The following ELAVL1 variants were observed in gnomAD, a reference collection of about 807,000 sequenced individuals.
ELAVL1 encodes ELAV like RNA binding protein 1.
A neutral mutation model predicts 28.4 loss-of-function variants in ELAVL1; 1 was observed. The ratio of observed to expected loss-of-function variants is 0.04; its 90% CI spans 0.01 to 0.17. The LOEUF is 0.17. Ranked by LOEUF, ELAVL1 falls within the 10% of genes least tolerant of loss-of-function variation. ELAVL1 has a pLI of 1.00. For missense variants in ELAVL1, 157 were observed against 447.2 expected (o/e 0.35, Z 5.85); for synonymous variants, 174 against 183.5 (o/e 0.95, Z 0.42).
chr19:7,977,564 G>C (rs1985335595), intron 3 of ELAVL1, among the ~76,000 whole-genome samples: 1 of 152,218 alleles, frequency 6.6e-6, no homozygotes, highest in South Asian at 2.1e-4. Context: ...ACACTGAGCT[G>C]CATCTGGGAC....
rs115812647 is a variant in ELAVL1 at position 7,972,046 on chromosome 19, C to T, written c.430+1679G>A. On this transcript the variant is annotated intron_variant, in intron 4 of 5. Coordinates refer to ENST00000407627, the MANE Select transcript of ELAVL1 (RefSeq NM_001419.3). ...AGCATGACTTTCTGTGGCCCAACTA[C>T]TCGGTGTTATTTCAACATCACAGCC... Among the ~76,000 whole-genome samples the T allele has an allele frequency of 2.4e-3, 367 of 152,348 alleles. 1 individual carries two copies. Among genetic ancestry groups the T allele is most frequent in the African/African-American group, 8.0e-3 (331 of 41,576 alleles).
intron 4 of ELAVL1, among the ~76,000 whole-genome samples, chr19:7,968,441 C>A (rs1176619208): frequency 6.6e-6 from 1 of 152,252 alleles, no homozygotes; most frequent in Non-Finnish European, 1.5e-5. Flanking sequence ...GTCCTACACC[C>A]CTCCCGTGGG....
rs184350725 is a variant in ELAVL1, at chr19:7,997,672, G to A, written c.-16-5841C>T. Among the ~76,000 whole-genome samples the A allele has an allele frequency of 3.3e-5, 5 of 152,030 alleles. No individual in the cohort carries two copies. The East Asian group carries it at 7.7e-4, about 23-fold the overall frequency. ...TAAAAATAAATTGTCTGAGTGTGGC[G>A]ACTCATGCCTTTAATCCCAGCGCTT... On this transcript the variant is annotated intron_variant, in intron 1 of 5. Transcript: ENST00000407627.
At chr19:7,995,916 C>CTT (rs577024547) in intron 1 of ELAVL1, among the ~76,000 whole-genome samples, 43 of 146,126 alleles carry the variant, frequency 2.9e-4, no homozygotes, top group Non-Finnish European at 4.4e-4. Context: ...AGTCAGAACA[C>CTT]TTTTTTTTTT....
At chr19:7,991,116 G>A (rs1985740231) in intron 2 of ELAVL1, among the ~76,000 whole-genome samples, 1 of 152,216 alleles carries the variant, frequency 6.6e-6, no homozygotes. Context: ...TCAGCATGGT[G>A]CAGAAGTTCA....
rs1352611625 is a variant in ELAVL1 at position 7,963,322 on chromosome 19, A to G, written c.*161T>C. On this transcript the variant is annotated 3_prime_UTR_variant, in exon 6 of 6. Transcript: ENST00000407627. The surrounding 1 kb of genome is among the most constrained non-coding windows in gnomAD (Gnocchi z 4.5). ...ATTGTGGGATTTCAAACATTTGAAC[A>G]TGTCGGTTGCATCCCAGAGTATAAA... is the stretch of plus-strand genomic sequence containing the variant. 1.3e-6 allele frequency: 1 copy of G among 760,710 alleles called. No homozygotes were observed. The highest frequency in any genetic ancestry group is 1.8e-5 in the African/African-American group (1 of 56,734). The allele number at this position is 760,710 out of a possible 1,614,324, so 47.1% of individuals were successfully genotyped here. A position where few individuals can be genotyped will look rare whatever the true frequency, so the allele number is the denominator to read the frequency against.
intron 3 of ELAVL1, among the ~76,000 whole-genome samples, chr19:7,974,683 A>C (rs940331096): frequency 1.3e-5 from 2 of 152,106 alleles, no homozygotes; most frequent in Admixed American, 6.6e-5. Context: ...GATATGGAGG[A>C]GGGAGCAGGA....
Position 7,981,260 on chromosome 19 carries a change from A to G in ELAVL1, c.173-74T>C, listed in dbSNP as rs528117713. On this transcript the variant is annotated intron_variant, in intron 2 of 5. Transcript: ENST00000407627. The surrounding 1 kb of genome is among the most constrained non-coding windows in gnomAD (Gnocchi z 4.2). ...AGGGACAGGGAGGTCGGGAAGCACT[A>G]TATCTGCCTGGCCTTTGGGAAATGG... 42 of 1,433,908 alleles carry G rather than the reference A, an allele frequency of 2.9e-5. No individual in the cohort carries two copies. Among genetic ancestry groups the G allele is most frequent in the Admixed American group, 2.9e-4 (17 of 59,362 alleles). The allele number at this position is 1,433,908 out of a possible 1,614,324, so 88.8% of individuals were successfully genotyped here.
At chr19:7,965,575 G>A (rs1009747167) in intron 5 of ELAVL1, among the ~76,000 whole-genome samples, 1 of 151,956 alleles carries the variant, frequency 6.6e-6, no homozygotes, top group African/African-American at 2.4e-5. Flanking sequence ...CCTCCTGAGC[G>A]AATCTTTCCC....
intron 1 of ELAVL1, among the ~76,000 whole-genome samples, chr19:7,992,904 T>C (rs1985788894): frequency 6.6e-6 from 1 of 152,168 alleles, no homozygotes; most frequent in African/African-American, 2.4e-5. Context: ...GCCTCCTGAG[T>C]AGCTGGGAAC....
intron 5 of ELAVL1, among the ~76,000 whole-genome samples, chr19:7,964,377 G>A (rs1984895892): frequency 6.6e-6 from 1 of 152,120 alleles, no homozygotes; most frequent in Admixed American, 6.6e-5. Context: ...CCAACCCTCT[G>A]TGGCTAGAGC....
In ELAVL1 at chr19:7,981,316, T is replaced by C; in HGVS notation, c.173-130A>G. ...CAGGTGCTAGCAAACTTTATTTTCT[T>C]TGGCAAACACGTACATTTTCTGCAA... is the stretch of plus-strand genomic sequence containing the variant. On this transcript the variant is annotated intron_variant, in intron 2 of 5. Coordinates refer to ENST00000407627, the MANE Select transcript of ELAVL1 (RefSeq NM_001419.3). The surrounding 1 kb of genome is among the most constrained non-coding windows in gnomAD (Gnocchi z 4.2). 4 of 773,458 alleles carry C rather than the reference T, an allele frequency of 5.2e-6. No homozygotes were observed. Among genetic ancestry groups the C allele is most frequent in the Non-Finnish European group, 8.7e-6 (4 of 459,866 alleles). The allele number at this position is 773,458 out of a possible 1,614,324, so 47.9% of individuals were successfully genotyped here. A position where few individuals can be genotyped will look rare whatever the true frequency, so the allele number is the denominator to read the frequency against.
At chr19:7,985,019 A>G (rs1985563079) in intron 2 of ELAVL1, among the ~76,000 whole-genome samples, 1 of 152,184 alleles carries the variant, frequency 6.6e-6, no homozygotes, top group Admixed American at 6.5e-5. Context: ...TCCTAGGCTC[A>G]GGCGATGCTC....
rs1381814595 is a variant in ELAVL1 at position 7,962,430 on chromosome 19, T to C, written c.*1053A>G. ...GAGGGTTAATCTTTAAAACTACAAATCAAAGGTTTTGGTTAATAGATAACT... is the reference window on the plus strand; with the variant it reads ...GAGGGTTAATCTTTAAAACTACAAACCAAAGGTTTTGGTTAATAGATAACT... On this transcript the variant is annotated 3_prime_UTR_variant, in exon 6 of 6. Transcript: ENST00000407627. 1.3e-5 allele frequency: 2 copies of C among 152,580 alleles called. No individual in the cohort carries two copies. The highest frequency in any genetic ancestry group is 2.9e-5 in the Non-Finnish European group (2 of 68,026). The allele number at this position is 152,580 out of a possible 1,614,324, so 9.5% of individuals were successfully genotyped here. A position where few individuals can be genotyped will look rare whatever the true frequency, so the allele number is the denominator to read the frequency against.
chr19:8,001,153 C>T (rs1347292307), intron 1 of ELAVL1, among the ~76,000 whole-genome samples: 1 of 152,158 alleles, frequency 6.6e-6, no homozygotes, highest in Non-Finnish European at 1.5e-5. Context: ...GTCTCTAGTC[C>T]CACTTCATGA....
intron 2 of ELAVL1, among the ~76,000 whole-genome samples, chr19:7,985,814 CG>C (rs1985586920): frequency 1.3e-5 from 2 of 152,194 alleles, no homozygotes; most frequent in South Asian, 4.1e-4. Context: ...AGTGCATGCC[CG>C]GCTCTCACTT....
chr19:7,960,162 T>G lies in ELAVL1; in HGVS notation c.*3321A>C, dbSNP rs1984765039. 2 of 152,176 alleles carry G rather than the reference T, an allele frequency of 1.3e-5. No homozygotes were observed. The highest frequency in any genetic ancestry group is 1.3e-4 in the Admixed American group (2 of 15,274). The allele number at this position is 152,176 out of a possible 1,614,324, so 9.4% of individuals were successfully genotyped here. ...ATTGCCACTAACCGTCTTCGGGTGC[T>G]TCTATTTCTCTGATCCAGCAGGGAC... is the stretch of plus-strand genomic sequence containing the variant. On this transcript the variant is annotated 3_prime_UTR_variant, in exon 6 of 6. Transcript: ENST00000407627.
rs992751827 is a variant in ELAVL1 at position 7,959,515 on chromosome 19, C to T, written c.*3968G>A. 3.3e-5 allele frequency: 5 copies of T among 152,052 alleles called. No individual in the cohort carries two copies. Among genetic ancestry groups the T allele is most frequent in the African/African-American group, 2.4e-5 (1 of 41,336 alleles). 9.4% of individuals were successfully genotyped at this position (152,052 alleles called of 1,614,324 possible). A position where few individuals can be genotyped will look rare whatever the true frequency, so the allele number is the denominator to read the frequency against. Reference sequence around the variant, plus strand: ...CCTGTCAAAGTCTCCGTTAGCCTAACTTAGGTACTGGCGGTGACTTACAAG... The same window carrying T: ...CCTGTCAAAGTCTCCGTTAGCCTAATTTAGGTACTGGCGGTGACTTACAAG... On this transcript the variant is annotated 3_prime_UTR_variant, in exon 6 of 6. Coordinates refer to ENST00000407627, the MANE Select transcript of ELAVL1 (RefSeq NM_001419.3).
At chr19:7,986,373 G>A (rs779695104) in intron 2 of ELAVL1, among the ~76,000 whole-genome samples, 3 of 152,214 alleles carry the variant, frequency 2.0e-5, no homozygotes, top group Non-Finnish European at 2.9e-5. Context: ...AGAAACAGGC[G>A]AAGGACAAGA....
Sources: allele counts gnomAD v4.1 joint callset (sites outside exome capture counted in the v4.1 genomes callset), GRCh38; gene constraint gnomAD v4.1.1; non-coding constraint Gnocchi (gnomAD v3.1); transcripts MANE v1.5; gene names NCBI Gene and HGNC (gene_info 2026-07-23, HGNC 2026-07-21).